Variants in SLC39A13 observed in about 807,000 individuals in gnomAD.
The protein encoded by SLC39A13 is solute carrier family 39 member 13.
A neutral mutation model predicts 38.7 loss-of-function variants in SLC39A13; 18 were observed. The observed-to-expected ratio is 0.47, with a 90% confidence interval of 0.32 to 0.69. The LOEUF (loss-of-function observed/expected upper bound fraction) is 0.69, where lower values mean the gene tolerates loss of function less well. Among genes scored for constraint, SLC39A13 ranks in the 30% least tolerant of loss-of-function variants. SLC39A13 has a pLI of 0.03. For synonymous variants in SLC39A13, 212 were observed against 219.1 expected (o/e 0.97, Z 0.29); for missense variants, 395 against 490.7 (o/e 0.80, Z 1.84).
At chr11:47,412,524 G>A (rs979884147) in intron 4 of SLC39A13, 57 bp downstream of exon 4, 16 of 1,610,814 alleles carry the variant, frequency 9.9e-6, no homozygotes, top group African/African-American at 9.4e-5. Flanking sequence ...GGTAGTGCCC[G>A]GGGCCTGGAG....
Position 47,412,397 on chromosome 11 carries a change from T to C in SLC39A13, c.467T>C (p.Ile156Thr). ...CAGCAACAGCTGGGGCTGTGGGTCA[T>C]TGCTGGCATCCTGACCTTCCTGGCG... ...QQQQQLGLWVIAGILTFLALE... is the reference protein window; with the variant it reads ...QQQQQLGLWVTAGILTFLALE... The change falls in exon 4 of 10, where the codon ATT (isoleucine) becomes ACT (threonine). Residue 156 changes from isoleucine (I) to threonine (T), a missense_variant. Coordinates refer to ENST00000362021, the MANE Select transcript of SLC39A13 (RefSeq NM_001128225.3). The C allele has an allele frequency of 1.2e-6, 2 of 1,614,218 alleles. No individual in the cohort carries two copies. The highest frequency in any genetic ancestry group is 1.7e-6 in the Non-Finnish European group (2 of 1,180,014).
rs1033087004 is a variant in SLC39A13, at chr11:47,416,404, T to C, written c.*1041T>C. The C allele has an allele frequency of 6.6e-6, 1 of 152,436 alleles. No individual in the cohort carries two copies. The highest frequency in any genetic ancestry group is 2.4e-5 in the African/African-American group (1 of 41,436). The allele number at this position is 152,436 out of a possible 1,614,324, so 9.4% of individuals were successfully genotyped here. A position where few individuals can be genotyped will look rare whatever the true frequency, so the allele number is the denominator to read the frequency against. ...GTTTTCAGAAGTGGCCATCGAGAGG[T>C]CTGGATGGTTTTATAGCAACTTTGC... is the stretch of plus-strand genomic sequence containing the variant. On this transcript the variant is annotated 3_prime_UTR_variant, in exon 10 of 10. Transcript: ENST00000362021.
intron 2 of SLC39A13, among the ~76,000 whole-genome samples, chr11:47,411,478 A>G (rs1288355169): frequency 6.6e-6 from 1 of 152,108 alleles, no homozygotes; most frequent in Non-Finnish European, 1.5e-5. Flanking sequence ...GGTGGCACAC[A>G]CCTGTAATCC....
Position 47,415,378 on chromosome 11 carries a change from G to A in SLC39A13, c.*15G>A, listed in dbSNP as rs372474851. The A allele has an allele frequency of 1.4e-5, 23 of 1,613,446 alleles. No homozygotes were observed. The highest frequency in any genetic ancestry group is 4.0e-5 in the African/African-American group (3 of 74,880). ...TCGTGGATTAACTTTCCCTGATGCC[G>A]ACGCCCCTGCCCCCTGCAGCAATAA... On this transcript the variant is annotated 3_prime_UTR_variant, in exon 10 of 10. Coordinates refer to ENST00000362021, the MANE Select transcript of SLC39A13 (RefSeq NM_001128225.3).
intron 2 of SLC39A13, 110 bp from the exon 3 acceptor site, chr11:47,411,816 C>G (rs2096000631): frequency 1.9e-6 from 2 of 1,050,016 alleles, no homozygotes; most frequent in Admixed American, 2.0e-5. Flanking sequence ...GAGCAGCCAC[C>G]CATATCCAGC....
chr11:47,410,886 A>C (rs2095995813), intron 2 of SLC39A13, among the ~76,000 whole-genome samples: 1 of 152,246 alleles, frequency 6.6e-6, no homozygotes, highest in African/African-American at 2.4e-5. Flanking sequence ...GTTACCCAGC[A>C]GCTCTGTGCC....
At chr11:47,412,093 G>A (rs748887582) in intron 3 of SLC39A13, 54 bp downstream of exon 3, 31 of 1,542,806 alleles carry the variant, frequency 2.0e-5, no homozygotes, top group Non-Finnish European at 2.5e-5. Context: ...GGGGCCTGGT[G>A]CCCACGCCCA....
At chr11:47,414,234 C>T in intron 6 of SLC39A13, 191 bp from the exon 7 acceptor site, 2 of 660,590 alleles carry the variant, frequency 3.0e-6, no homozygotes, top group South Asian at 1.7e-5. Context: ...AGTCCTGTCT[C>T]TCCCCTCTAT....
rs1297700842 is a variant in SLC39A13, at chr11:47,414,766, C to A, written c.787-11C>A. The A allele has an allele frequency of 1.2e-6, 2 of 1,606,488 alleles. No homozygotes were observed. The highest frequency in any genetic ancestry group is 1.7e-5 in the Admixed American group (1 of 60,008). On this transcript the variant is annotated splice_polypyrimidine_tract_variant and intron_variant, in intron 7 of 9. Coordinates refer to ENST00000362021, the MANE Select transcript of SLC39A13 (RefSeq NM_001128225.3). Reference sequence around the variant, plus strand: ...CTGGGGCGCAGGGTGAACCTCTGGACCTCCCTTCAGGTGGGCGACTTTGCC... The same window carrying A: ...CTGGGGCGCAGGGTGAACCTCTGGAACTCCCTTCAGGTGGGCGACTTTGCC...
At chr11:47,411,788 A>T in intron 2 of SLC39A13, 138 bp from the exon 3 acceptor site, 1 of 778,502 alleles carries the variant, frequency 1.3e-6, no homozygotes, top group Non-Finnish European at 2.2e-6. Context: ...TTCTGCTGTG[A>T]GGTGGGGGAC....
chr11:47,411,405 G>A (rs1379045069), intron 2 of SLC39A13, among the ~76,000 whole-genome samples: 3 of 152,154 alleles, frequency 2.0e-5, no homozygotes, highest in African/African-American at 4.8e-5. Flanking sequence ...AGGAGTTCGA[G>A]ACCAGCCTGG....
At position 47,413,478 on chromosome 11, in the gene SLC39A13, G is replaced by T; in HGVS notation, c.616G>T (p.Gly206Cys). The change falls in exon 5 of 10, where the codon GGC becomes TGC. Residue 206 changes from glycine (G) to cysteine (C), a missense_variant. Coordinates refer to ENST00000362021, the MANE Select transcript of SLC39A13 (RefSeq NM_001128225.3). ...TCTGGCCCAGCCGGCTGCAGAGCCC[G>T]GCCTCGGTGCCGTGGTCCGGAGCAT... ...HCLAQPAAEP[G>C]LGAVVRSIKV... The T allele has an allele frequency of 6.2e-7, 1 of 1,614,050 alleles. No homozygotes were observed.
In SLC39A13 at chr11:47,416,395, A is replaced by G. The variant is rs2096028114; in HGVS notation, c.*1032A>G. 1 of 152,556 alleles carries G rather than the reference A, an allele frequency of 6.6e-6. No homozygotes were observed. The highest frequency in any genetic ancestry group is 1.5e-5 in the Non-Finnish European group (1 of 68,070). 9.5% of individuals were successfully genotyped at this position (152,556 alleles called of 1,614,324 possible). On this transcript the variant is annotated 3_prime_UTR_variant, in exon 10 of 10. Transcript: ENST00000362021. Reference sequence around the variant, plus strand: ...ACCGTGGATGTTTTCAGAAGTGGCCATCGAGAGGTCTGGATGGTTTTATAG... The same window carrying G: ...ACCGTGGATGTTTTCAGAAGTGGCCGTCGAGAGGTCTGGATGGTTTTATAG...
rs78598727 is a variant in SLC39A13, at chr11:47,410,014, G to A, written c.-8-73G>A. ...GCCAGGGTCCCTTGCGGGGAGGAGG[G>A]AGGCGCCACGTTTCCTAAGCAGGTG... On this transcript the variant is annotated intron_variant, in intron 1 of 9. Coordinates refer to ENST00000362021, the MANE Select transcript of SLC39A13 (RefSeq NM_001128225.3). The A allele has an allele frequency of 5.9e-3, 9,340 of 1,576,064 alleles. 463 individuals carry two copies. The African/African-American group carries it at 0.11, about 19-fold the overall frequency.
chr11:47,413,340 T>G (rs2096008975), intron 4 of SLC39A13, 60 bp from the exon 5 acceptor site: 1 of 1,534,362 alleles, frequency 6.5e-7, no homozygotes, highest in Non-Finnish European at 9.0e-7. Context: ...TCCCCTTCTG[T>G]CTGCCCTGGC....
Position 47,415,321 on chromosome 11 carries a change from G to A in SLC39A13, c.1074G>A (p.Ala358=), listed in dbSNP as rs576702857. 2.9e-4 allele frequency: 476 copies of A among 1,614,040 alleles called. 3 individuals carry two copies. The South Asian group carries it at 4.9e-3, about 17-fold the overall frequency. Residue 358 remains alanine (A), a synonymous_variant, in exon 10 of 10, where the codon GCG becomes GCA. Transcript: ENST00000362021. ...RSLQQLLLLC[A]GIVVMVLFSL... ...TGCAGCAGCTGCTTCTGCTCTGTGC[G>A]GGCATCGTGGTAATGGTGCTGTTCT...
upstream of SLC39A13, among the ~76,000 whole-genome samples, chr11:47,408,157 A>G (rs1431615897): frequency 1.3e-5 from 2 of 152,216 alleles, no homozygotes; most frequent in Non-Finnish European, 2.9e-5. Context: ...GACTCAGAGC[A>G]GGAGCGCACA....
At chr11:47,410,539 T>A (rs185211079) in intron 2 of SLC39A13, 144 bp downstream of exon 2, 4 of 1,176,492 alleles carry the variant, frequency 3.4e-6, no homozygotes, top group Non-Finnish European at 4.9e-6. Flanking sequence ...CTGTAGGAGC[T>A]ATCTAGCCAG....
chr11:47,410,399 G>C lies in SLC39A13; in HGVS notation c.301+4G>C, dbSNP rs769912209. The C allele has an allele frequency of 6.2e-7, 1 of 1,613,904 alleles. No individual in the cohort carries two copies. The highest frequency in any genetic ancestry group is 1.1e-5 in the South Asian group (1 of 91,090). On this transcript the variant is annotated splice_donor_region_variant and intron_variant, in intron 2 of 9. Coordinates refer to ENST00000362021, the MANE Select transcript of SLC39A13 (RefSeq NM_001128225.3). ...GGGACCATGCTGCGCTCAGAAGGTA[G>C]GTGACTCTCCGGTGGCGCCCAGGGC...
Sources: allele counts gnomAD v4.1 joint callset (sites outside exome capture counted in the v4.1 genomes callset), GRCh38; gene constraint gnomAD v4.1.1; transcripts MANE v1.5; gene names NCBI Gene and HGNC (gene_info 2026-07-23, HGNC 2026-07-21).